The following SWAP70 variants were observed in gnomAD, a reference collection of about 807,000 sequenced individuals.
SWAP70 encodes the protein switch-associated protein 70.
A neutral mutation model predicts 80.2 loss-of-function variants in SWAP70; 34 were observed. That is an observed-to-expected ratio of 0.42 (90% CI 0.32 to 0.56). The LOEUF (loss-of-function observed/expected upper bound fraction) is 0.56. Among genes scored for constraint, SWAP70 ranks in the 20% least tolerant of loss-of-function variants. The probability of loss-of-function intolerance (pLI) is 0.09; values close to 1 mark genes in which losing one functional copy is unlikely to be tolerated. For synonymous variants in SWAP70, 239 were observed against 238.5 expected, an observed-to-expected ratio of 1.00 and a Z score of -0.02; for missense variants, 578 against 690.7, an observed-to-expected ratio of 0.84 and a Z score of 1.83.
Position 9,718,929 on chromosome 11 carries a change from G to A in SWAP70, c.414+5290G>A, listed in dbSNP as rs150324781. Reference sequence around the variant, plus strand: ...AGCCTGGGCAACATGGTGAAACCTCGTCTCTACAAAAAATACAAAAATTAG... The same window carrying A: ...AGCCTGGGCAACATGGTGAAACCTCATCTCTACAAAAAATACAAAAATTAG... On this transcript the variant is annotated intron_variant, in intron 3 of 11. Coordinates refer to ENST00000318950, the MANE Select transcript of SWAP70 (RefSeq NM_015055.4). Among the ~76,000 whole-genome samples, 1,394 of 140,178 alleles carry A rather than the reference G, an allele frequency of 9.9e-3. 10 individuals carry two copies. The highest frequency in any genetic ancestry group is 0.019 in the Middle Eastern group (4 of 214). The allele number at this position is 140,178 out of a possible 152,430, so 92.0% of individuals were successfully genotyped here.
intron 1 of SWAP70, among the ~76,000 whole-genome samples, chr11:9,690,729 A>T (rs1311282184): frequency 1.3e-5 from 2 of 152,044 alleles, no homozygotes; most frequent in Non-Finnish European, 2.9e-5. Flanking sequence ...CTCTATTTTT[A>T]AAAAATACAA....
Position 9,751,486 on chromosome 11 carries a change from G to T in SWAP70, c.*1516G>T, listed in dbSNP as rs1219204431. The T allele has an allele frequency of 6.6e-6, 1 of 152,192 alleles. No individual in the cohort carries two copies. The highest frequency in any genetic ancestry group is 1.5e-5 in the Non-Finnish European group (1 of 68,026). The allele number at this position is 152,192 out of a possible 1,614,324, so 9.4% of individuals were successfully genotyped here. Reference sequence around the variant, plus strand: ...CAAGCTTAAAATTGTAAATAAATATGGGGATAATTCAGTTGTTGCAAAAAA... The same window carrying T: ...CAAGCTTAAAATTGTAAATAAATATTGGGATAATTCAGTTGTTGCAAAAAA... On this transcript the variant is annotated 3_prime_UTR_variant, in exon 12 of 12. Transcript: ENST00000318950.
At chr11:9,738,414 T>G (rs1851392623) in intron 8 of SWAP70, 94 bp downstream of exon 8, 1 of 837,258 alleles carries the variant, frequency 1.2e-6, no homozygotes, top group Admixed American at 3.5e-5. Context: ...AGGCATGTCA[T>G]CAGCTTGGCT....
chr11:9,740,643 A>C, intron 9 of SWAP70: 1 of 401,644 alleles, frequency 2.5e-6, no homozygotes. Flanking sequence ...AAATCCACAA[A>C]CCCAGAATTA....
chr11:9,675,354 A>C lies in SWAP70; in HGVS notation c.99+11076A>C, dbSNP rs1428344896. Reference sequence around the variant, plus strand: ...GAGAGAGAGAGAGGGAGCGAGAGAGAGAGAGAGAGAGAGAGAGAGAGAGAG... The same window carrying C: ...GAGAGAGAGAGAGGGAGCGAGAGAGCGAGAGAGAGAGAGAGAGAGAGAGAG... On this transcript the variant is annotated intron_variant, in intron 1 of 11. Transcript: ENST00000318950. Among the ~76,000 whole-genome samples, 113 of 20,014 alleles carry C rather than the reference A, an allele frequency of 5.6e-3. 5 individuals carry two copies. The highest frequency in any genetic ancestry group is 0.022 in the African/African-American group (95 of 4,296). 13.1% of individuals were successfully genotyped at this position (20,014 alleles called of 152,430 possible). A position where few individuals can be genotyped will look rare whatever the true frequency, so the allele number is the denominator to read the frequency against.
rs1851590323 is a variant in SWAP70 at position 9,751,573 on chromosome 11, C to A, written c.*1603C>A. ...ACAGGTATTAAATGAGGACAGAGAA[C>A]CTCAGGTGTTCTTATGCTAGTGCTT... On this transcript the variant is annotated 3_prime_UTR_variant, in exon 12 of 12. Transcript: ENST00000318950. 6.6e-6 allele frequency: 1 copy of A among 152,140 alleles called. No homozygotes were observed. The highest frequency in any genetic ancestry group is 1.5e-5 in the Non-Finnish European group (1 of 68,030). 9.4% of individuals were successfully genotyped at this position (152,140 alleles called of 1,614,324 possible). A position where few individuals can be genotyped will look rare whatever the true frequency, so the allele number is the denominator to read the frequency against.
intron 11 of SWAP70, 29 bp from the exon 12 acceptor site, chr11:9,749,835 C>G (rs749461616): frequency 1.4e-6 from 2 of 1,384,680 alleles, no homozygotes; most frequent in Admixed American, 3.4e-5. Flanking sequence ...TATAATACTT[C>G]CTGTATTTAA....
intron 1 of SWAP70, among the ~76,000 whole-genome samples, chr11:9,674,176 C>T (rs1463678052): frequency 6.6e-6 from 1 of 152,172 alleles, no homozygotes; most frequent in Non-Finnish European, 1.5e-5. Flanking sequence ...GCTGGGATTA[C>T]AGGTGTGAGC....
At chr11:9,695,164 T>A (rs571526383) in intron 2 of SWAP70, among the ~76,000 whole-genome samples, 1 of 152,034 alleles carries the variant, frequency 6.6e-6, no homozygotes, top group Non-Finnish European at 1.5e-5. Context: ...TGTGGTGGCA[T>A]GCTCCTGTAA....
At chr11:9,744,563 GCCA>G (rs1851486316) in intron 9 of SWAP70, among the ~76,000 whole-genome samples, 1 of 152,120 alleles carries the variant, frequency 6.6e-6, no homozygotes, top group Non-Finnish European at 1.5e-5. Context: ...AGGTGATCTA[GCCA>G]CTTCTGAATG....
chr11:9,677,281 G>C (rs1850513678), intron 1 of SWAP70, among the ~76,000 whole-genome samples: 1 of 151,906 alleles, frequency 6.6e-6, no homozygotes. Flanking sequence ...AATTTCAGTG[G>C]TTTTGCTGAA....
At chr11:9,664,664 T>C (rs1850287681) in intron 1 of SWAP70, among the ~76,000 whole-genome samples, 1 of 152,308 alleles carries the variant, frequency 6.6e-6, no homozygotes, top group Non-Finnish European at 1.5e-5. Context: ...ATTTTCCTCT[T>C]ACTCCAGGAG....
chr11:9,727,373 A>G (rs1851239124), intron 4 of SWAP70, among the ~76,000 whole-genome samples: 1 of 152,214 alleles, frequency 6.6e-6, no homozygotes, highest in Non-Finnish European at 1.5e-5. Flanking sequence ...CCTGGGCGAC[A>G]GAGCGACACT....
chr11:9,673,412 A>C (rs1361608274), intron 1 of SWAP70, among the ~76,000 whole-genome samples: 1 of 152,222 alleles, frequency 6.6e-6, no homozygotes, highest in Non-Finnish European at 1.5e-5. Context: ...CTCCTGGTAC[A>C]TGAATGAGTT....
chr11:9,672,010 A>G (rs1480397216), intron 1 of SWAP70, among the ~76,000 whole-genome samples: 2 of 118,140 alleles, frequency 1.7e-5, no homozygotes, highest in Non-Finnish European at 3.2e-5. Flanking sequence ...TATAAAATAT[A>G]TATTTTAATA....
intron 7 of SWAP70, among the ~76,000 whole-genome samples, chr11:9,735,144 G>A (rs1590044952): frequency 6.6e-6 from 1 of 152,200 alleles, no homozygotes; most frequent in African/African-American, 2.4e-5. Context: ...TAAAAAGGCA[G>A]CTGTGAAAGA....
At chr11:9,704,914 G>T (rs942657483) in intron 2 of SWAP70, among the ~76,000 whole-genome samples, 7 of 152,198 alleles carry the variant, frequency 4.6e-5, no homozygotes, top group Non-Finnish European at 8.8e-5. Context: ...TTGAGCTGCA[G>T]TTCAGCTCAA....
At chr11:9,668,090 T>C (rs1850330700) in intron 1 of SWAP70, among the ~76,000 whole-genome samples, 1 of 152,136 alleles carries the variant, frequency 6.6e-6, no homozygotes, top group African/African-American at 2.4e-5. Context: ...GGTTTCACCA[T>C]GTTGGCTGGG....
chr11:9,677,274 T>A (rs1313370471), intron 1 of SWAP70, among the ~76,000 whole-genome samples: 1 of 152,132 alleles, frequency 6.6e-6, no homozygotes, highest in East Asian at 1.9e-4. Flanking sequence ...TATTTAGAAT[T>A]TCAGTGGTTT....
Sources: allele counts gnomAD v4.1 joint callset (sites outside exome capture counted in the v4.1 genomes callset), GRCh38; gene constraint gnomAD v4.1.1; transcripts MANE v1.5; gene names NCBI Gene and HGNC (gene_info 2026-07-23, HGNC 2026-07-21).